The following NAALADL2 variants were observed in gnomAD, a reference collection of about 807,000 sequenced individuals.
NAALADL2 encodes the protein inactive N-acetylated-alpha-linked acidic dipeptidase-like protein 2.
A neutral mutation model predicts 87.2 loss-of-function variants in NAALADL2; 76 were observed. The ratio of observed to expected loss-of-function variants is 0.87; its 90% CI spans 0.72 to 1.05. The LOEUF is 1.05. Among genes scored for constraint, NAALADL2 ranks in the 50% least tolerant of loss-of-function variants. NAALADL2 has a pLI of 0.00. For missense variants in NAALADL2, 1,089 were observed against 945.8 expected, an observed-to-expected ratio of 1.15 and a Z score of -1.99; for synonymous variants, 354 against 331.0, an observed-to-expected ratio of 1.07 and a Z score of -0.75.
rs144912751 is a variant in NAALADL2 at position 174,614,944 on chromosome 3, C to T, written c.-115+64307C>T. 2.6e-3 allele frequency among the ~76,000 whole-genome samples: 391 copies of T among 152,182 alleles called. 2 individuals are homozygous for T. The highest frequency in any genetic ancestry group is 8.7e-3 in the African/African-American group (360 of 41,526). ...ATGAACTTTTCTCCAGTATGAAGTTCGTTAACTCCACAAATTACGTAGCCA... is the reference window on the plus strand; with the variant it reads ...ATGAACTTTTCTCCAGTATGAAGTTTGTTAACTCCACAAATTACGTAGCCA... On this transcript the variant is annotated intron_variant, in intron 2 of 3. Coordinates refer to the NAALADL2 transcript ENST00000434257.
At chr3:175,405,678 G>A (rs1368049542) in intron 5 of NAALADL2, among the ~76,000 whole-genome samples, 1 of 151,152 alleles carries the variant, frequency 6.6e-6, no homozygotes, top group East Asian at 2.0e-4. Flanking sequence ...TTTTGCTGGA[G>A]AAATAACAAT....
chr3:174,597,709 A>G (rs1340009042), intron 2 of NAALADL2, among the ~76,000 whole-genome samples: 1 of 152,194 alleles, frequency 6.6e-6, no homozygotes, highest in Non-Finnish European at 1.5e-5. Context: ...ATGGAATAAA[A>G]AGGGTTCATT....
intron 4 of NAALADL2, among the ~76,000 whole-genome samples, chr3:175,261,634 A>G (rs902145588): frequency 8.5e-5 from 13 of 152,130 alleles, no homozygotes; most frequent in African/African-American, 3.1e-4. Context: ...ATACTAAGAT[A>G]TTAGTCAATA....
chr3:175,632,105 C>T (rs1359353464), intron 11 of NAALADL2, among the ~76,000 whole-genome samples: 1 of 151,826 alleles, frequency 6.6e-6, no homozygotes, highest in Non-Finnish European at 1.5e-5. Flanking sequence ...GGGTCTGTGT[C>T]CCCACCCAAA....
intron 1 of NAALADL2, among the ~76,000 whole-genome samples, chr3:174,907,705 C>T (rs909716509): frequency 1.3e-5 from 2 of 152,038 alleles, no homozygotes; most frequent in Non-Finnish European, 2.9e-5. Flanking sequence ...AAAAGCAAAA[C>T]ATTGGTGGTG....
chr3:175,161,538 C>A (rs1410032385), intron 2 of NAALADL2, among the ~76,000 whole-genome samples: 1 of 152,038 alleles, frequency 6.6e-6, no homozygotes, highest in African/African-American at 2.4e-5. Flanking sequence ...GGAGTCAGGG[C>A]AGAGGATCCA....
At chr3:174,868,778 C>T (rs1329441024) in intron 1 of NAALADL2, among the ~76,000 whole-genome samples, 1 of 152,022 alleles carries the variant, frequency 6.6e-6, no homozygotes, top group Non-Finnish European at 1.5e-5. Flanking sequence ...TTATTCTAAA[C>T]TGTAATTGTA....
chr3:175,784,120 G>C (rs1426692731), intron 13 of NAALADL2, among the ~76,000 whole-genome samples: 1 of 149,934 alleles, frequency 6.7e-6, no homozygotes, highest in African/African-American at 2.5e-5. Flanking sequence ...TTTTATTGAG[G>C]ATTTTTGCAT....
At chr3:174,756,577 C>G (rs1175916470) in intron 3 of NAALADL2, among the ~76,000 whole-genome samples, 1 of 152,212 alleles carries the variant, frequency 6.6e-6, no homozygotes, top group East Asian at 1.9e-4. Flanking sequence ...TAAGATGAAA[C>G]TATTAAATTA....
chr3:175,748,904 A>C (rs931548720), intron 12 of NAALADL2, among the ~76,000 whole-genome samples: 1 of 151,884 alleles, frequency 6.6e-6, no homozygotes, highest in Admixed American at 6.6e-5. Context: ...TAGGAGTTCA[A>C]GATGAACCTG....
intron 5 of NAALADL2, among the ~76,000 whole-genome samples, chr3:175,429,020 TG>T (rs1023372180): frequency 6.6e-6 from 1 of 151,948 alleles, no homozygotes; most frequent in African/African-American, 2.4e-5. Context: ...TGAATGATAT[TG>T]GTTTTTTCTG....
intron 10 of NAALADL2, among the ~76,000 whole-genome samples, chr3:175,590,214 ATAT>A (rs1721202975): frequency 2.6e-4 from 38 of 146,974 alleles, no homozygotes; most frequent in African/African-American, 9.4e-4. Flanking sequence ...TCCGTCTAAT[ATAT>A]ATATATATAT....
intron 1 of NAALADL2, among the ~76,000 whole-genome samples, chr3:175,015,950 A>G (rs1301751307): frequency 6.6e-6 from 1 of 151,834 alleles, no homozygotes; most frequent in Admixed American, 6.6e-5. Flanking sequence ...AATACCTGAT[A>G]ATCAGTCCTC....
At chr3:175,527,822 A>G (rs903593221) in intron 9 of NAALADL2, among the ~76,000 whole-genome samples, 5 of 152,210 alleles carry the variant, frequency 3.3e-5, no homozygotes, top group African/African-American at 7.2e-5. Flanking sequence ...GTTATATCAC[A>G]TACACATTGC....
intron 9 of NAALADL2, among the ~76,000 whole-genome samples, chr3:175,526,892 G>T (rs1733495262): frequency 6.6e-6 from 1 of 151,950 alleles, no homozygotes; most frequent in African/African-American, 2.4e-5. Context: ...AACCCTCCTG[G>T]CTTTTTTATT....
At chr3:175,101,558 T>C (rs1473554000) in intron 2 of NAALADL2, among the ~76,000 whole-genome samples, 1 of 152,234 alleles carries the variant, frequency 6.6e-6, no homozygotes, top group Non-Finnish European at 1.5e-5. Flanking sequence ...CACACACATA[T>C]ATAATTGCTG....
chr3:174,932,572 G>A (rs763179065), intron 1 of NAALADL2, among the ~76,000 whole-genome samples: 1 of 152,080 alleles, frequency 6.6e-6, no homozygotes, highest in Non-Finnish European at 1.5e-5. Flanking sequence ...ATATTGATGG[G>A]TGAATTGCTG....
chr3:174,653,476 C>T (rs1001926480), intron 2 of NAALADL2, among the ~76,000 whole-genome samples: 2 of 152,056 alleles, frequency 1.3e-5, no homozygotes, highest in Non-Finnish European at 2.9e-5. Context: ...TCCTTTGGGA[C>T]TTTACAATTT....
At chr3:174,671,421 T>G (rs1457253514) in intron 2 of NAALADL2, among the ~76,000 whole-genome samples, 3 of 151,970 alleles carry the variant, frequency 2.0e-5, no homozygotes, top group Non-Finnish European at 4.4e-5. Flanking sequence ...CTCACAGATA[T>G]TAGAAAAAAC....
Sources: allele counts gnomAD v4.1 joint callset (sites outside exome capture counted in the v4.1 genomes callset), GRCh38; gene constraint gnomAD v4.1.1; transcripts MANE v1.5; gene names NCBI Gene and HGNC (gene_info 2026-07-23, HGNC 2026-07-21).